The following LRIF1 variants were observed in gnomAD, a reference collection of about 807,000 sequenced individuals.
LRIF1 encodes ligand-dependent nuclear receptor-interacting factor 1.
LRIF1 carries 32 observed loss-of-function variants against 52.7 expected under a neutral mutation model. The ratio of observed to expected loss-of-function variants is 0.61; its 90% CI spans 0.46 to 0.82. LRIF1 has a LOEUF of 0.82. Ranked by LOEUF, LRIF1 falls within the 40% of genes least tolerant of loss-of-function variation. LRIF1 has a pLI of 0.00. For synonymous variants in LRIF1, 323 were observed against 317.4 expected, an observed-to-expected ratio of 1.02 and a Z score of -0.19; for missense variants, 887 against 892.0, an observed-to-expected ratio of 0.99 and a Z score of 0.07.
At position 110,963,700 on chromosome 1, in the gene LRIF1, G is replaced by C. The variant is rs769824955; in HGVS notation, c.-12C>G. 2.5e-6 allele frequency: 4 copies of C among 1,599,474 alleles called. No homozygotes were observed. Among genetic ancestry groups the C allele is most frequent in the South Asian group, 2.2e-5 (2 of 90,096 alleles). On this transcript the variant is annotated 5_prime_UTR_variant, in exon 1 of 4. Coordinates refer to ENST00000369763, the MANE Select transcript of LRIF1 (RefSeq NM_018372.4). Reference sequence around the variant, plus strand: ...AGGTTATTTGACATTTTAGTGGGGAGAAAGGGGACACCTCATCCAGAAAAG... The same window carrying C: ...AGGTTATTTGACATTTTAGTGGGGACAAAGGGGACACCTCATCCAGAAAAG...
the LRIF1 span, chr1:110,938,237 CCAGA>C: frequency 6.6e-6 from 1 of 152,106 alleles, no homozygotes; most frequent in Non-Finnish European, 1.5e-5. Flanking sequence ...GATACCAAAA[CCAGA>C]CAAAGACACA....
chr1:110,885,568 A>G, the LRIF1 span, among the ~76,000 whole-genome samples: 2 of 149,728 alleles, frequency 1.3e-5, no homozygotes, highest in South Asian at 4.3e-4. Context: ...CAACAACAAA[A>G]AAAGAGATTT....
chr1:110,883,640 G>A, the LRIF1 span, among the ~76,000 whole-genome samples: 1 of 151,982 alleles, frequency 6.6e-6, no homozygotes, highest in Non-Finnish European at 1.5e-5. Flanking sequence ...TGCCTTACAT[G>A]TTTAGTAGAA....
At chr1:110,946,707 A>G (rs1390674255), downstream of LRIF1, among the ~76,000 whole-genome samples, 1 of 119,390 alleles carries the variant, frequency 8.4e-6, no homozygotes, top group African/African-American at 3.4e-5. Flanking sequence ...CCCAGGCTGT[A>G]GTGCAGTAGT....
chr1:110,931,231 G>A, the LRIF1 span, among the ~76,000 whole-genome samples: 191 of 152,104 alleles, frequency 1.3e-3, no homozygotes, highest in Middle Eastern at 3.4e-3. Flanking sequence ...GAGAACATGC[G>A]GTGTTTGGTT....
the LRIF1 span, chr1:110,937,725 G>C: frequency 2.6e-5 from 4 of 151,832 alleles, no homozygotes; most frequent in African/African-American, 9.7e-5. Context: ...AAATAATAAA[G>C]AGCAGAAATA....
chr1:110,930,760 A>G, the LRIF1 span, among the ~76,000 whole-genome samples: 2 of 152,188 alleles, frequency 1.3e-5, no homozygotes, highest in Non-Finnish European at 2.9e-5. Flanking sequence ...AATATGCACA[A>G]AAAATCTTTC....
the LRIF1 span, among the ~76,000 whole-genome samples, chr1:110,902,517 A>AAAAAAAAAAAAAAAAAAAAAAAAAG: frequency 9.5e-5 from 10 of 104,760 alleles, no homozygotes; most frequent in Non-Finnish European, 1.7e-4. Flanking sequence ...AAAAAAAAAA[A>AAAAAAAAAAAAAAAAAAAAAAAAAG]AAAGAAATAC....
At chr1:110,886,926 C>T in the LRIF1 span, among the ~76,000 whole-genome samples, 4 of 144,766 alleles carry the variant, frequency 2.8e-5, no homozygotes, top group Admixed American at 7.0e-5. Flanking sequence ...TCTTCAAGTT[C>T]GCTAGTTTTT....
chr1:110,948,767 A>G lies in LRIF1; in HGVS notation c.1870-368T>C, dbSNP rs141136847. On this transcript the variant is annotated intron_variant, in intron 3 of 3. Coordinates refer to ENST00000369763, the MANE Select transcript of LRIF1 (RefSeq NM_018372.4). ...GGAGGATTTTCATTCGAAAAGGTTT[A>G]CTAGTCTCTGATCTAAAGTTCAGAA... Among the ~76,000 whole-genome samples the G allele has an allele frequency of 4.0e-4, 61 of 152,304 alleles. 1 individual carries two copies. The East Asian group carries it at 9.1e-3, about 23-fold the overall frequency.
chr1:110,921,455 G>T, the LRIF1 span, among the ~76,000 whole-genome samples: 1 of 151,802 alleles, frequency 6.6e-6, no homozygotes, highest in Admixed American at 6.6e-5. Flanking sequence ...ACAATTAAAG[G>T]TCCAACTTTT....
At chr1:110,894,406 G>C in the LRIF1 span, 1 of 1,609,470 alleles carries the variant, frequency 6.2e-7, no homozygotes, top group Non-Finnish European at 8.5e-7. Context: ...CAGAAGGTAA[G>C]TTATAAAGAC....
At chr1:110,898,355 C>T in the LRIF1 span, among the ~76,000 whole-genome samples, 4 of 136,180 alleles carry the variant, frequency 2.9e-5, no homozygotes, top group Non-Finnish European at 6.2e-5. Context: ...CCTGCCTGGG[C>T]GACAGAGCGA....
At chr1:110,886,869 A>ATATATATATATATATATATATATTT in the LRIF1 span, among the ~76,000 whole-genome samples, 10 of 82,786 alleles carry the variant, frequency 1.2e-4, no homozygotes, top group Non-Finnish European at 1.8e-4. Flanking sequence ...ATATATATAT[A>ATATATATATATATATATATATATTT]TTTTTTTTTT....
At chr1:110,917,488 T>C in the LRIF1 span, among the ~76,000 whole-genome samples, 1 of 152,218 alleles carries the variant, frequency 6.6e-6, no homozygotes, top group African/African-American at 2.4e-5. Flanking sequence ...ATTAGGGGCA[T>C]AGGGTAATTT....
chr1:110,887,280 C>G, the LRIF1 span, among the ~76,000 whole-genome samples: 97,225 of 151,730 alleles, frequency 0.64, 33,187 homozygotes, highest in Non-Finnish European at 0.77. Flanking sequence ...TAGCCAGGAT[C>G]GTCTCGATCT....
intron 1 of LRIF1, among the ~76,000 whole-genome samples, chr1:110,960,216 T>C (rs985574033): frequency 1.3e-5 from 2 of 152,222 alleles, no homozygotes; most frequent in African/African-American, 4.8e-5. Context: ...CTACTTTCTA[T>C]ATTTACTTTA....
At chr1:110,943,162 G>T (rs1658129733), downstream of LRIF1, among the ~76,000 whole-genome samples, 1 of 152,196 alleles carries the variant, frequency 6.6e-6, no homozygotes, top group Admixed American at 6.5e-5. Context: ...GGTCAAGTAA[G>T]AGACTAAGAA....
At chr1:110,924,933 AC>A in the LRIF1 span, among the ~76,000 whole-genome samples, 61 of 152,302 alleles carry the variant, frequency 4.0e-4, no homozygotes, top group African/African-American at 1.4e-3. Flanking sequence ...AAAGAGAAAA[AC>A]ATATGATCAT....
Sources: gnomAD v4.1 joint callset for allele counts (sites outside exome capture counted in the v4.1 genomes callset) on GRCh38, gnomAD v4.1.1 for gene constraint, MANE v1.5 for transcripts, NCBI Gene and HGNC (gene_info 2026-07-23, HGNC 2026-07-21) for gene names.